GET3: variants seen among roughly 807,000 people sequenced by gnomAD.
GET3 encodes ATPase GET3.
GET3 carries 15 observed loss-of-function variants against 32.4 expected under a neutral mutation model. That is an observed-to-expected ratio of 0.46 (90% CI 0.31 to 0.71). GET3 has a LOEUF of 0.71. GET3 is among the 30% of genes least tolerant of loss of function. The pLI, the probability that GET3 is intolerant of heterozygous loss-of-function variation, is 0.05. For missense variants in GET3, 333 were observed against 459.0 expected, an observed-to-expected ratio of 0.73 and a Z score of 2.51; for synonymous variants, 198 against 185.6, an observed-to-expected ratio of 1.07 and a Z score of -0.54.
chr19:12,744,737 A>G (rs1168572695), intron 2 of GET3, among the ~76,000 whole-genome samples: 1 of 152,184 alleles, frequency 6.6e-6, no homozygotes, highest in Non-Finnish European at 1.5e-5. Context: ...CATTCCTGCT[A>G]TGGAGACAGA....
Position 12,745,534 on chromosome 19 carries a change from C to T in GET3, c.458+9C>T. On this transcript the variant is annotated intron_variant, in intron 3 of 6. Coordinates refer to ENST00000357332, the MANE Select transcript of GET3 (RefSeq NM_004317.4). This position sits in a 1 kb window ranked among gnomAD's most constrained non-coding sequence, Gnocchi z 5.0. ...TATGCCGAGGTCATGAGGTCAGGCC[C>T]AGCCAGCAGGGGTGGGGGCTGCCTG... is the stretch of plus-strand genomic sequence containing the variant. 6.2e-7 allele frequency: 1 copy of T among 1,612,858 alleles called. No individual in the cohort carries two copies. Among genetic ancestry groups the T allele is most frequent in the South Asian group, 1.1e-5 (1 of 91,088 alleles).
chr19:12,738,733 G>A, intron 2 of GET3, 75 bp downstream of exon 2: 1 of 1,577,336 alleles, frequency 6.3e-7, no homozygotes, highest in South Asian at 1.1e-5. Context: ...CACACCAGCA[G>A]CCACCGTGTC....
At chr19:12,738,786 C>T in intron 2 of GET3, 128 bp downstream of exon 2, 3 of 1,231,020 alleles carry the variant, frequency 2.4e-6, no homozygotes, top group Non-Finnish European at 3.4e-6. Context: ...TCACTCCTTC[C>T]TCAACATACT....
rs892616808 is a variant in GET3, at chr19:12,745,068, A to G, written c.310-309A>G. Among the ~76,000 whole-genome samples, 8 of 152,036 alleles carry G rather than the reference A, an allele frequency of 5.3e-5. No homozygotes were observed. Among genetic ancestry groups the G allele is most frequent in the African/African-American group, 1.7e-4 (7 of 41,382 alleles). On this transcript the variant is annotated intron_variant, in intron 2 of 6. Transcript: ENST00000357332. The surrounding 1 kb of genome is among the most constrained non-coding windows in gnomAD (Gnocchi z 5.0). ...AGTCATGGGAGTATCTGGGGTTGCA[A>G]GTGGCAGGTTGCAAGTGGGGAGTAG...
At chr19:12,738,738 C>T (rs758200113) in intron 2 of GET3, 80 bp downstream of exon 2, 152 of 1,552,670 alleles carry the variant, frequency 9.8e-5, no homozygotes, top group Middle Eastern at 1.8e-4. Flanking sequence ...CAGCAGCCAC[C>T]GTGTCCTATC....
At chr19:12,737,263 T>G, upstream of GET3, 1 of 410,280 alleles carries the variant, frequency 2.4e-6, no homozygotes, top group Non-Finnish European at 4.2e-6. Context: ...TGAAAGGGAG[T>G]AGCCTAGACC....
At chr19:12,746,846 C>A (rs932993964) in intron 4 of GET3, among the ~76,000 whole-genome samples, 3 of 151,862 alleles carry the variant, frequency 2.0e-5, no homozygotes, top group African/African-American at 7.3e-5. Flanking sequence ...CCCACCAGTA[C>A]TAAAAATACA....
chr19:12,745,542 A>C lies in GET3; in HGVS notation c.458+17A>C. ...GGTCATGAGGTCAGGCCCAGCCAGC[A>C]GGGGTGGGGGCTGCCTGGGGAAGGG... On this transcript the variant is annotated intron_variant, in intron 3 of 6. Transcript: ENST00000357332. This position sits in a 1 kb window ranked among gnomAD's most constrained non-coding sequence, Gnocchi z 5.0. The C allele has an allele frequency of 5.0e-6, 8 of 1,612,848 alleles. No individual in the cohort carries two copies. The highest frequency in any genetic ancestry group is 6.8e-6 in the Non-Finnish European group (8 of 1,179,984).
At chr19:12,740,546 G>A (rs1323402311) in intron 2 of GET3, among the ~76,000 whole-genome samples, 8 of 141,260 alleles carry the variant, frequency 5.7e-5, no homozygotes, top group African/African-American at 2.1e-4. Flanking sequence ...GTATGGTGGC[G>A]GGCACCTGTA....
chr19:12,737,524 G>C lies in GET3; in HGVS notation c.19G>C (p.Gly7Arg). ...TTCCAAAATGGCGGCAGGGGTGGCCGGGTGGGGGGTTGAGGCAGAGGAGTT... is the reference window on the plus strand; with the variant it reads ...TTCCAAAATGGCGGCAGGGGTGGCCCGGTGGGGGGTTGAGGCAGAGGAGTT... MAAGVAGWGVEAEEFED... is the reference protein window; with the variant it reads MAAGVARWGVEAEEFED... The change falls in exon 1 of 7, where the codon GGG becomes CGG. Residue 7 changes from glycine (G) to arginine (R), a missense_variant. By Grantham distance (125) the Gly-to-Arg change is moderately radical. Coordinates refer to ENST00000357332, the MANE Select transcript of GET3 (RefSeq NM_004317.4). The C allele has an allele frequency of 6.4e-7, 1 of 1,565,910 alleles. No homozygotes were observed. The highest frequency in any genetic ancestry group is 8.6e-7 in the Non-Finnish European group (1 of 1,157,936).
intron 1 of GET3, 36 bp from the exon 2 acceptor site, chr19:12,738,475 C>T (rs1436159799): frequency 3.1e-6 from 5 of 1,612,148 alleles, no homozygotes; most frequent in Non-Finnish European, 3.4e-6. Flanking sequence ...GAGCCCATCC[C>T]CTCATCCCCT....
Position 12,745,283 on chromosome 19 carries a change from G to C in GET3, c.310-94G>C. On this transcript the variant is annotated intron_variant, in intron 2 of 6. Coordinates refer to ENST00000357332, the MANE Select transcript of GET3 (RefSeq NM_004317.4). The surrounding 1 kb of genome is among the most constrained non-coding windows in gnomAD (Gnocchi z 5.0). ...CACCACAGGCTCCCTCTGGCCCTGT[G>C]CCCGGGTAGGAAGGCTCCCCCTGGC... 6.7e-7 allele frequency: 1 copy of C among 1,489,974 alleles called. No individual in the cohort carries two copies. Among genetic ancestry groups the C allele is most frequent in the Non-Finnish European group, 9.1e-7 (1 of 1,102,420 alleles). The allele number at this position is 1,489,974 out of a possible 1,614,324, so 92.3% of individuals were successfully genotyped here. A position where few individuals can be genotyped will look rare whatever the true frequency, so the allele number is the denominator to read the frequency against.
intron 2 of GET3, among the ~76,000 whole-genome samples, chr19:12,743,199 C>T (rs961259905): frequency 1.3e-5 from 2 of 151,750 alleles, no homozygotes; most frequent in African/African-American, 2.4e-5. Flanking sequence ...AGGCATTGGC[C>T]GGGCATGGTG....
At chr19:12,743,587 GCC>G (rs1568348909) in intron 2 of GET3, among the ~76,000 whole-genome samples, 2 of 151,086 alleles carry the variant, frequency 1.3e-5, no homozygotes, top group Non-Finnish European at 3.0e-5. Flanking sequence ...TCAGGAGATC[GCC>G]ACCATCCTGG....
In GET3 at chr19:12,745,818, G is replaced by T; in HGVS notation, c.609+59G>T. The T allele has an allele frequency of 7.1e-6, 11 of 1,541,188 alleles. No homozygotes were observed. The highest frequency in any genetic ancestry group is 9.6e-6 in the Non-Finnish European group (11 of 1,149,364). On this transcript the variant is annotated intron_variant, in intron 4 of 6. Coordinates refer to ENST00000357332, the MANE Select transcript of GET3 (RefSeq NM_004317.4). This position sits in a 1 kb window ranked among gnomAD's most constrained non-coding sequence, Gnocchi z 5.0. ...GGCAGCCGGGAGTGGGAGTAGGCCCGGGCCCCCAGACCCTCAAATGCGCAC... is the reference window on the plus strand; with the variant it reads ...GGCAGCCGGGAGTGGGAGTAGGCCCTGGCCCCCAGACCCTCAAATGCGCAC...
At position 12,747,464 on chromosome 19, in the gene GET3, C is replaced by G; in HGVS notation, c.787C>G (p.Gln263Glu). 1 of 1,614,058 alleles carries G rather than the reference C, an allele frequency of 6.2e-7. No individual in the cohort carries two copies. Among genetic ancestry groups the G allele is most frequent in the Non-Finnish European group, 8.5e-7 (1 of 1,180,004 alleles). ...LSLYETERLI[Q>E]ELAKCKIDTH... ...CCTGTATGAGACAGAGAGGCTGATCCAGGAGCTGGCCAAGTGCAAGATTGA... is the reference window on the plus strand; with the variant it reads ...CCTGTATGAGACAGAGAGGCTGATCGAGGAGCTGGCCAAGTGCAAGATTGA... The change falls in exon 6 of 7, where the codon CAG (glutamine) becomes GAG (glutamate). Residue 263 changes from glutamine to glutamate, a missense_variant. Gln to Glu is a conservative substitution (Grantham distance 29). Around this residue, in one of 3 missense-constraint regions of GET3, gnomAD observed 230 missense variants for 389.2 expected, o/e 0.59. Transcript: ENST00000357332. The surrounding 1 kb of genome is among the most constrained non-coding windows in gnomAD (Gnocchi z 4.0).
intron 2 of GET3, among the ~76,000 whole-genome samples, chr19:12,743,819 C>G (rs1372317376): frequency 2.2e-5 from 3 of 135,518 alleles, no homozygotes; most frequent in South Asian, 5.1e-4. Context: ...GGCTCCGCCC[C>G]CTGGGGTTCA....
intron 4 of GET3, among the ~76,000 whole-genome samples, chr19:12,746,944 C>T (rs905979640): frequency 1.3e-5 from 2 of 148,936 alleles, no homozygotes; most frequent in Non-Finnish European, 3.0e-5. Flanking sequence ...CAGGAGGCGG[C>T]GGTTGCAGTG....
chr19:12,740,139 G>T (rs112106879), intron 2 of GET3, among the ~76,000 whole-genome samples: 23,265 of 151,548 alleles, frequency 0.15, 5,416 homozygotes, highest in African/African-American at 0.5. Flanking sequence ...TCCCAGCACT[G>T]TGGGAGACCG....
Sources: allele counts gnomAD v4.1 joint callset (sites outside exome capture counted in the v4.1 genomes callset), GRCh38; gene constraint gnomAD v4.1.1; regional missense constraint gnomAD v4.1.1; non-coding constraint Gnocchi (gnomAD v3.1); transcripts MANE v1.5; gene names NCBI Gene and HGNC (gene_info 2026-07-23, HGNC 2026-07-21).